The following GAREM1 variants were observed in gnomAD, a reference collection of about 807,000 sequenced individuals.
GAREM1 encodes GRB2-associated and regulator of MAPK protein 1.
In GAREM1, 26 loss-of-function variants were observed where a neutral mutation model predicts 71.3. The ratio of observed to expected loss-of-function variants is 0.36; its 90% CI spans 0.27 to 0.51. GAREM1 has a LOEUF of 0.51. Ranked by LOEUF, GAREM1 falls within the 20% of genes least tolerant of loss-of-function variation. The probability of loss-of-function intolerance (pLI) is 0.95; values close to 1 mark genes in which losing one functional copy is unlikely to be tolerated. For missense variants in GAREM1, 1,026 were observed against 1,103.1 expected, an observed-to-expected ratio of 0.93 and a Z score of 0.99; for synonymous variants, 440 against 433.2, an observed-to-expected ratio of 1.02 and a Z score of -0.20.
intron 2 of GAREM1, among the ~76,000 whole-genome samples, chr18:32,392,286 G>C (rs2048209733): frequency 6.6e-6 from 1 of 151,778 alleles, no homozygotes; most frequent in South Asian, 2.1e-4. Context: ...TCCTAGAACA[G>C]TACTGGCACA....
At chr18:32,279,419 T>C (rs1053444041) in intron 4 of GAREM1, among the ~76,000 whole-genome samples, 2 of 152,196 alleles carry the variant, frequency 1.3e-5, no homozygotes, top group South Asian at 4.1e-4. Flanking sequence ...TAGATTCTCA[T>C]AGGAGCATGA....
intron 2 of GAREM1, among the ~76,000 whole-genome samples, chr18:32,352,019 C>CT (rs1407310454): frequency 6.6e-6 from 1 of 152,098 alleles, no homozygotes; most frequent in Non-Finnish European, 1.5e-5. Context: ...TTACAAAGTA[C>CT]TTTTAGAGCC....
intron 4 of GAREM1, 80 bp downstream of exon 4, chr18:32,286,951 T>A: frequency 9.3e-7 from 1 of 1,078,644 alleles, no homozygotes; most frequent in South Asian, 1.5e-5. Flanking sequence ...AGTTGGGGAG[T>A]TTTAAGAAAA....
At chr18:32,426,006 A>T (rs373507299) in intron 1 of GAREM1, among the ~76,000 whole-genome samples, 2 of 151,390 alleles carry the variant, frequency 1.3e-5, no homozygotes, top group African/African-American at 4.9e-5. Flanking sequence ...TCCAGTTTTA[A>T]TTCTTTTTGT....
At chr18:32,438,895 T>C (rs1366469694) in intron 1 of GAREM1, among the ~76,000 whole-genome samples, 1 of 152,092 alleles carries the variant, frequency 6.6e-6, no homozygotes, top group Non-Finnish European at 1.5e-5. Flanking sequence ...TGGAGGAAGA[T>C]GGGAAGGGAT....
intron 2 of GAREM1, among the ~76,000 whole-genome samples, chr18:32,392,260 T>C (rs948334668): frequency 6.6e-6 from 1 of 152,084 alleles, no homozygotes; most frequent in Non-Finnish European, 1.5e-5. Flanking sequence ...TTTAAGCCAC[T>C]AGATGTATCC....
At chr18:32,364,007 T>TAC (rs1207301543) in intron 2 of GAREM1, among the ~76,000 whole-genome samples, 1,236 of 47,830 alleles carry the variant, frequency 0.026, 64 homozygotes, top group African/African-American at 0.12. Context: ...TATATATATA[T>TAC]ATATATATAT....
chr18:32,268,364 G>C lies in GAREM1; in HGVS notation c.2138C>G (p.Ala713Gly). 6.2e-7 allele frequency: 1 copy of C among 1,614,162 alleles called. No individual in the cohort carries two copies. The highest frequency in any genetic ancestry group is 8.5e-7 in the Non-Finnish European group (1 of 1,180,032). Residue 713 changes from alanine (A) to glycine (G), a missense_variant, in exon 6 of 6, where the codon GCT (alanine) becomes GGT (glycine). Coordinates refer to ENST00000269209, the MANE Select transcript of GAREM1 (RefSeq NM_001242409.2). ...LESTDVKSLA[A>G]GVTKQSTSCP... ...TGACGTACTCTGCTTTGTCACACCA[G>C]CTGCAAGAGATTTCACATCTGTGCT...
At chr18:32,279,592 CT>C (rs2041587485) in intron 4 of GAREM1, among the ~76,000 whole-genome samples, 1 of 152,152 alleles carries the variant, frequency 6.6e-6, no homozygotes, top group African/African-American at 2.4e-5. Context: ...AGGGCTCCCA[CT>C]GATTCTACAT....
intron 2 of GAREM1, among the ~76,000 whole-genome samples, chr18:32,344,258 T>G (rs1454421674): frequency 6.6e-6 from 1 of 152,204 alleles, no homozygotes; most frequent in Non-Finnish European, 1.5e-5. Flanking sequence ...GTAAATAGGC[T>G]GCATTCCTGT....
At chr18:32,278,450 T>C (rs2041571610) in intron 4 of GAREM1, among the ~76,000 whole-genome samples, 1 of 152,228 alleles carries the variant, frequency 6.6e-6, no homozygotes, top group African/African-American at 2.4e-5. Context: ...TTGACAATGA[T>C]TAAGAAAATA....
At chr18:32,282,391 G>A (rs1350132186) in intron 4 of GAREM1, among the ~76,000 whole-genome samples, 1 of 152,054 alleles carries the variant, frequency 6.6e-6, no homozygotes, top group South Asian at 2.1e-4. Flanking sequence ...GCACCACTGC[G>A]CTCCAGCCTG....
chr18:32,343,311 G>GTTTTTTTGTTTTTTTTTTTTT (rs2047664721), intron 2 of GAREM1, among the ~76,000 whole-genome samples: 2 of 118,884 alleles, frequency 1.7e-5, no homozygotes, highest in African/African-American at 6.7e-5. Flanking sequence ...CTCCCCCACT[G>GTTTTTTTGTTTTTTTTTTTTT]TTTTTTTTTT....
chr18:32,288,133 G>C lies in GAREM1; in HGVS notation c.464C>G (p.Thr155Ser), dbSNP rs373837436. 2 of 1,613,998 alleles carry C rather than the reference G, an allele frequency of 1.2e-6. No individual in the cohort carries two copies. The highest frequency in any genetic ancestry group is 1.7e-6 in the Non-Finnish European group (2 of 1,180,022). ...AAGGATTTCTGCCTGCCCCATTAGA[G>C]TGAGTTCATCCCCAGTACACAGGGT... The part of the protein sequence containing the change: ...NITLCTGDEL[T>S]LMGQAEILYA... Residue 155 changes from threonine to serine, a missense_variant, in exon 4 of 6, where the codon ACT becomes AGT. Physicochemically the swap from Thr to Ser is moderately conservative, Grantham distance 58 (BLOSUM62 1). Transcript: ENST00000269209.
intron 2 of GAREM1, among the ~76,000 whole-genome samples, chr18:32,314,020 T>C (rs950409897): frequency 6.6e-6 from 1 of 151,832 alleles, no homozygotes; most frequent in African/African-American, 2.4e-5. Flanking sequence ...TAGAAATATG[T>C]AGGGGTATGA....
intron 2 of GAREM1, among the ~76,000 whole-genome samples, chr18:32,357,926 G>A (rs2047821678): frequency 6.6e-6 from 1 of 152,152 alleles, no homozygotes; most frequent in South Asian, 2.1e-4. Flanking sequence ...CATGTGGGCA[G>A]GGGGCTGTGC....
At chr18:32,283,286 T>C (rs1244716418) in intron 4 of GAREM1, among the ~76,000 whole-genome samples, 1 of 152,214 alleles carries the variant, frequency 6.6e-6, no homozygotes, top group East Asian at 1.9e-4. Flanking sequence ...GGCTCATGCC[T>C]GTAACCCCAG....
intron 3 of GAREM1, among the ~76,000 whole-genome samples, chr18:32,306,147 T>G (rs917510083): frequency 2.0e-5 from 3 of 152,202 alleles, no homozygotes; most frequent in Admixed American, 2.0e-4. Context: ...TTTGCTAAAT[T>G]TCATGGTTAG....
chr18:32,459,872 G>T (rs1034317116), intron 1 of GAREM1, among the ~76,000 whole-genome samples: 1 of 151,960 alleles, frequency 6.6e-6, no homozygotes, highest in African/African-American at 2.4e-5. Context: ...AGCTGTCCTG[G>T]GGTTATTCAA....
Sources: allele counts gnomAD v4.1 joint callset (sites outside exome capture counted in the v4.1 genomes callset), GRCh38; gene constraint gnomAD v4.1.1; transcripts MANE v1.5; gene names NCBI Gene and HGNC (gene_info 2026-07-23, HGNC 2026-07-21).